DLGAP2: variants seen among roughly 807,000 people sequenced by gnomAD.
DLGAP2 encodes the protein DLG associated protein 2, also known as disks large-associated protein 2.
A neutral mutation model predicts 100.3 loss-of-function variants in DLGAP2; 26 were observed. That is an observed-to-expected ratio of 0.26 (90% CI 0.19 to 0.36). The LOEUF is 0.36. Among genes scored for constraint, DLGAP2 ranks in the 10% least tolerant of loss-of-function variants. The pLI is 1.00. For missense variants in DLGAP2, 1,858 were observed against 1,453.2 expected (o/e 1.28, Z -4.53); for synonymous variants, 886 against 630.1 (o/e 1.41, Z -6.08).
chr8:1,166,120 G>A (rs535630001), intron 2 of DLGAP2, among the ~76,000 whole-genome samples: 5 of 152,250 alleles, frequency 3.3e-5, no homozygotes, highest in East Asian at 1.9e-4. Flanking sequence ...TAGCTACTCC[G>A]TGCCAGGGCA....
At chr8:1,142,249 T>G (rs946912694) in intron 2 of DLGAP2, among the ~76,000 whole-genome samples, 10 of 152,106 alleles carry the variant, frequency 6.6e-5, no homozygotes, top group African/African-American at 2.4e-4. Context: ...ATAAGGTGGT[T>G]CACCAACAGA....
At chr8:1,692,916 TAATA>T (rs1446524312) in intron 13 of DLGAP2, among the ~76,000 whole-genome samples, 6 of 148,562 alleles carry the variant, frequency 4.0e-5, no homozygotes, top group Non-Finnish European at 8.9e-5. Context: ...ATACACATAT[TAATA>T]TATAAATATA....
chr8:1,280,711 C>T (rs1018085944), intron 3 of DLGAP2, among the ~76,000 whole-genome samples: 1 of 152,116 alleles, frequency 6.6e-6, no homozygotes. Context: ...CTTGGTGCCA[C>T]CTTCATCTGG....
chr8:1,376,536 G>C (rs1242929558), intron 3 of DLGAP2, among the ~76,000 whole-genome samples: 1 of 152,230 alleles, frequency 6.6e-6, no homozygotes, highest in East Asian at 1.9e-4. Context: ...GGCGCTTTCA[G>C]AAGAAGACGC....
intron 2 of DLGAP2, among the ~76,000 whole-genome samples, chr8:1,074,303 T>C (rs56302993): frequency 0.054 from 5,647 of 105,006 alleles, no homozygotes; most frequent in Admixed American, 0.084. Flanking sequence ...CAGGATTCAC[T>C]GTCACAGAAG....
intron 8 of DLGAP2, among the ~76,000 whole-genome samples, chr8:1,657,898 T>C (rs1020163643): frequency 1.3e-5 from 2 of 152,082 alleles, no homozygotes; most frequent in African/African-American, 4.8e-5. Flanking sequence ...ATTTACGACA[T>C]GGACACATGG....
At chr8:1,542,046 ATTCT>A (rs1480011185) in intron 4 of DLGAP2, among the ~76,000 whole-genome samples, 1 of 152,264 alleles carries the variant, frequency 6.6e-6, no homozygotes, top group African/African-American at 2.4e-5. Flanking sequence ...CTTCAGCCAC[ATTCT>A]TTGTTCTGTG....
chr8:1,221,863 AT>A (rs1212711187), intron 2 of DLGAP2, among the ~76,000 whole-genome samples: 1 of 152,094 alleles, frequency 6.6e-6, no homozygotes, highest in African/African-American at 2.4e-5. Flanking sequence ...GAGCTCAGAG[AT>A]TCTTTCCTCA....
chr8:1,469,695 G>T (rs75950342), intron 3 of DLGAP2, among the ~76,000 whole-genome samples: 2,534 of 152,282 alleles, frequency 0.017, 83 homozygotes, highest in African/African-American at 0.059. Flanking sequence ...ACGTGCCTGA[G>T]AATTCTTTTT....
chr8:822,642 C>T lies in DLGAP2; in HGVS notation c.18+84817C>T, dbSNP rs143248946. Among the ~76,000 whole-genome samples the T allele has an allele frequency of 2.7e-3, 415 of 152,310 alleles. 1 individual carries two copies. Among genetic ancestry groups the T allele is most frequent in the African/African-American group, 9.3e-3 (386 of 41,568 alleles). On this transcript the variant is annotated intron_variant, in intron 1 of 14. Coordinates refer to ENST00000637795, the MANE Select transcript of DLGAP2 (RefSeq NM_001346810.2). ...ACTGCAAACTGTCCCCAAATACTGC[C>T]AGAATGGAGCTTTTCAAATAGCAGT...
chr8:946,135 T>C (rs1799313213), intron 2 of DLGAP2, among the ~76,000 whole-genome samples: 2 of 152,250 alleles, frequency 1.3e-5, no homozygotes, highest in African/African-American at 4.8e-5. Flanking sequence ...GAAGCTGCGC[T>C]TGGGCAAACC....
At chr8:1,151,783 C>T (rs1443085925) in intron 2 of DLGAP2, among the ~76,000 whole-genome samples, 2 of 152,176 alleles carry the variant, frequency 1.3e-5, no homozygotes, top group African/African-American at 2.4e-5. Context: ...TCTGTTTACA[C>T]GAACTACTCT....
intron 2 of DLGAP2, among the ~76,000 whole-genome samples, chr8:922,730 G>C (rs760313542): frequency 1.3e-5 from 2 of 152,126 alleles, no homozygotes; most frequent in Non-Finnish European, 2.9e-5. Flanking sequence ...GATCTTTCCA[G>C]CAAAGCTTTG....
At chr8:1,069,552 G>A (rs547405633) in intron 2 of DLGAP2, among the ~76,000 whole-genome samples, 23 of 152,240 alleles carry the variant, frequency 1.5e-4, no homozygotes, top group African/African-American at 5.1e-4. Flanking sequence ...CTGCACATCC[G>A]AGAGTCCGAG....
chr8:1,121,797 G>A (rs1261549543), intron 2 of DLGAP2, among the ~76,000 whole-genome samples: 3 of 151,868 alleles, frequency 2.0e-5, no homozygotes, highest in Non-Finnish European at 2.9e-5. Context: ...TAGAACCCGT[G>A]GCCTCTCATC....
intron 2 of DLGAP2, among the ~76,000 whole-genome samples, chr8:1,200,987 G>C (rs1193443306): frequency 1.3e-5 from 2 of 152,220 alleles, no homozygotes; most frequent in Admixed American, 6.5e-5. Flanking sequence ...AGGGAAAGAA[G>C]GCGCGGCTGT....
intron 3 of DLGAP2, chr8:1,373,605 T>C (rs1446762078): frequency 6.6e-6 from 1 of 152,244 alleles, no homozygotes; most frequent in Non-Finnish European, 1.5e-5. Context: ...ACAGCGGCGC[T>C]TTCTCTACCC....
chr8:1,429,919 T>A (rs1797363527), intron 3 of DLGAP2, among the ~76,000 whole-genome samples: 1 of 147,080 alleles, frequency 6.8e-6, no homozygotes, highest in Non-Finnish European at 1.5e-5. Flanking sequence ...ACCTTCATCA[T>A]ACACGGCCTT....
intron 5 of DLGAP2, among the ~76,000 whole-genome samples, chr8:1,550,847 A>G (rs1437147740): frequency 2.0e-5 from 3 of 152,046 alleles, no homozygotes; most frequent in African/African-American, 7.2e-5. Flanking sequence ...TAGCGCTGTT[A>G]AAAAAAACAT....
Sources: allele counts gnomAD v4.1 joint callset (sites outside exome capture counted in the v4.1 genomes callset), GRCh38; gene constraint gnomAD v4.1.1; transcripts MANE v1.5; gene names NCBI Gene and HGNC (gene_info 2026-07-23, HGNC 2026-07-21).